Variants in SLC8A1 observed in about 807,000 individuals in gnomAD.
The protein encoded by SLC8A1 is sodium/calcium exchanger 1.
A neutral mutation model predicts 68.3 loss-of-function variants in SLC8A1; 18 were observed. The ratio of observed to expected loss-of-function variants is 0.26; its 90% confidence interval spans 0.18 to 0.39. The LOEUF is 0.39. SLC8A1 is among the 10% of genes least tolerant of loss of function. The probability of loss-of-function intolerance (pLI) is 1.00; values close to 1 mark genes in which losing one functional copy is unlikely to be tolerated. For synonymous variants in SLC8A1, 475 were observed against 415.5 expected, an observed-to-expected ratio of 1.14 and a Z score of -1.74; for missense variants, 985 against 1,156.7, an observed-to-expected ratio of 0.85 and a Z score of 2.15.
chr2:40,452,226 C>G (rs1408845463), upstream of SLC8A1, among the ~76,000 whole-genome samples: 1 of 149,738 alleles, frequency 6.7e-6, no homozygotes, highest in African/African-American at 2.4e-5. Flanking sequence ...CTCGCACTCG[C>G]TCACACGCGC....
At chr2:40,146,640 C>CCCCCCCA (rs1035460966) in intron 6 of SLC8A1, among the ~76,000 whole-genome samples, 15 of 150,668 alleles carry the variant, frequency 1.0e-4, no homozygotes, top group African/African-American at 3.7e-4. Flanking sequence ...GGATGGGAGG[C>CCCCCCCA]AGTGAAAGAT....
At chr2:40,217,730 G>C (rs2057714121) in intron 2 of SLC8A1, among the ~76,000 whole-genome samples, 1 of 152,158 alleles carries the variant, frequency 6.6e-6, no homozygotes. Flanking sequence ...CCATCTGTCA[G>C]TCTGTGAAAC....
At chr2:40,112,104 G>A (rs1188815317) in exon 8 of SLC8A1, 2 of 152,520 alleles carry the variant, frequency 1.3e-5, no homozygotes, top group African/African-American at 4.8e-5. Flanking sequence ...AATACTTGGT[G>A]TCTGTTTTTT....
intron 2 of SLC8A1, among the ~76,000 whole-genome samples, chr2:40,362,627 T>C (rs1674943838): frequency 6.6e-6 from 1 of 152,106 alleles, no homozygotes; most frequent in South Asian, 2.1e-4. Context: ...AGAGGTGTTG[T>C]CTTGGTGACT....
intron 2 of SLC8A1, among the ~76,000 whole-genome samples, chr2:40,280,251 T>TAAAAAAAAAAAAAAAAA (rs67427562): frequency 8.5e-5 from 8 of 94,466 alleles, no homozygotes; most frequent in East Asian, 2.8e-4. Flanking sequence ...AAATAAACAC[T>TAAAAAAAAAAAAAAAAA]AAAAAAAAAA....
intron 1 of SLC8A1, among the ~76,000 whole-genome samples, chr2:40,464,052 G>A (rs1197908453): frequency 1.3e-5 from 2 of 151,860 alleles, no homozygotes; most frequent in Non-Finnish European, 2.9e-5. Context: ...ATGCCACCAC[G>A]CCAGGCTAGT....
chr2:40,144,144 A>G (rs1328850990), intron 6 of SLC8A1, among the ~76,000 whole-genome samples: 3 of 152,148 alleles, frequency 2.0e-5, no homozygotes, highest in Non-Finnish European at 4.4e-5. Flanking sequence ...GAGTATCCTG[A>G]TTTCACTGAG....
In SLC8A1 at chr2:40,320,655, G is replaced by A. The variant is rs139069362; in HGVS notation, c.1808+107818C>T. 1.4e-3 allele frequency among the ~76,000 whole-genome samples: 217 copies of A among 152,264 alleles called. 2 individuals are homozygous for A. Among genetic ancestry groups the A allele is most frequent in the Non-Finnish European group, 2.9e-3 (194 of 68,006 alleles). ...TGCGTGTCTCACTGTTAAGAAAAGT[G>A]TTAAGACAAGTGAAGAATGGTTTGA... is the stretch of plus-strand genomic sequence containing the variant. On this transcript the variant is annotated intron_variant, in intron 2 of 7. Coordinates refer to ENST00000406785, the Ensembl canonical transcript of SLC8A1.
upstream of SLC8A1, among the ~76,000 whole-genome samples, chr2:40,454,159 A>G (rs1164103499): frequency 6.6e-6 from 1 of 152,178 alleles, no homozygotes; most frequent in Non-Finnish European, 1.5e-5. Flanking sequence ...TTTGGCTCAC[A>G]CTCAATGAAA....
At chr2:40,225,132 G>A (rs1334348833) in intron 2 of SLC8A1, among the ~76,000 whole-genome samples, 2 of 152,090 alleles carry the variant, frequency 1.3e-5, no homozygotes, top group South Asian at 2.1e-4. Flanking sequence ...TATCCTCTGA[G>A]TGATTGGTCC....
intron 1 of SLC8A1, among the ~76,000 whole-genome samples, chr2:40,491,285 T>C (rs1266498633): frequency 6.6e-6 from 1 of 152,138 alleles, no homozygotes; most frequent in Non-Finnish European, 1.5e-5. Context: ...GTTCTCTGTT[T>C]GTCTGTTATT....
At position 40,306,181 on chromosome 2, in the gene SLC8A1, G is replaced by A. The variant is rs1040543914; in HGVS notation, c.1808+122292C>T. On this transcript the variant is annotated intron_variant, in intron 2 of 7. Transcript: ENST00000406785. ...GAACCCAAATAAGAGGAAAACCAGT[G>A]AGCATCCACATTTATGAAATGGAAA... Among the ~76,000 whole-genome samples, 4 of 152,312 alleles carry A rather than the reference G, an allele frequency of 2.6e-5. No homozygotes were observed. The East Asian group carries it at 5.8e-4, about 22-fold the overall frequency.
chr2:40,501,494 A>G (rs1009670298), intron 1 of SLC8A1, among the ~76,000 whole-genome samples: 2 of 152,104 alleles, frequency 1.3e-5, no homozygotes, highest in Non-Finnish European at 2.9e-5. Context: ...TTGATTCACA[A>G]GCACTCTCTT....
At chr2:40,441,976 A>G (rs1035818283) in intron 1 of SLC8A1, among the ~76,000 whole-genome samples, 13 of 142,622 alleles carry the variant, frequency 9.1e-5, no homozygotes, top group African/African-American at 3.4e-4. Flanking sequence ...CGTTTTCTTA[A>G]TCCAGTCTAT....
chr2:40,313,696 C>T (rs2074051850), intron 2 of SLC8A1, among the ~76,000 whole-genome samples: 1 of 151,912 alleles, frequency 6.6e-6, no homozygotes, highest in Non-Finnish European at 1.5e-5. Context: ...AGTCACAGTA[C>T]CTGGATATGG....
At chr2:40,289,809 C>T (rs1269954716) in intron 2 of SLC8A1, among the ~76,000 whole-genome samples, 2 of 151,492 alleles carry the variant, frequency 1.3e-5, no homozygotes, top group Non-Finnish European at 2.9e-5. Context: ...TGCAGTGAGC[C>T]GAGATCGTGC....
intron 2 of SLC8A1, among the ~76,000 whole-genome samples, chr2:40,204,759 CAT>C (rs1488961799): frequency 6.6e-6 from 1 of 152,004 alleles, no homozygotes; most frequent in Admixed American, 6.6e-5. Context: ...ATATATCCAA[CAT>C]ATCATAATCT....
intron 2 of SLC8A1, among the ~76,000 whole-genome samples, chr2:40,295,105 A>ATT (rs537124088): frequency 0.014 from 2,105 of 147,096 alleles, 47 homozygotes; most frequent in African/African-American, 0.049. Context: ...AACAATTATT[A>ATT]TTTTTTTTTT....
chr2:40,371,152 C>A (rs191397054), intron 2 of SLC8A1, among the ~76,000 whole-genome samples: 2 of 152,036 alleles, frequency 1.3e-5, no homozygotes, highest in African/African-American at 4.8e-5. Flanking sequence ...CCTGGCCCAG[C>A]CCCTGGAATG....
Sources: allele counts gnomAD v4.1 joint callset (sites outside exome capture counted in the v4.1 genomes callset), GRCh38; gene constraint gnomAD v4.1.1; transcripts MANE v1.5; gene names NCBI Gene and HGNC (gene_info 2026-07-23, HGNC 2026-07-21).